PKD1L1: variants seen among roughly 807,000 people sequenced by gnomAD.
PKD1L1 encodes the protein polycystin-1-like protein 1.
A neutral mutation model predicts 323.4 loss-of-function variants in PKD1L1; 236 were observed. The observed-to-expected ratio is 0.73, with a 90% CI of 0.66 to 0.81. The LOEUF is 0.81. Among genes scored for constraint, PKD1L1 ranks in the 40% least tolerant of loss-of-function variants. PKD1L1 has a pLI of 0.00. For missense variants in PKD1L1, 3,320 were observed against 3,508.0 expected, an observed-to-expected ratio of 0.95 and a Z score of 1.35; for synonymous variants, 1,344 against 1,335.0, an observed-to-expected ratio of 1.01 and a Z score of -0.15.
At chr7:47,933,041 G>A (rs368415069) in intron 4 of PKD1L1, among the ~76,000 whole-genome samples, 3 of 152,258 alleles carry the variant, frequency 2.0e-5, no homozygotes, top group Admixed American at 6.5e-5. Context: ...GACCTGCCCC[G>A]GTGCAGAGTA....
chr7:47,899,497 C>A (rs919362079), intron 13 of PKD1L1, among the ~76,000 whole-genome samples: 3 of 152,186 alleles, frequency 2.0e-5, no homozygotes, highest in Non-Finnish European at 2.9e-5. Flanking sequence ...CTCCACACCC[C>A]CTACTTTGGG....
At chr7:47,810,483 C>T (rs1344744190) in intron 50 of PKD1L1, among the ~76,000 whole-genome samples, 1 of 152,178 alleles carries the variant, frequency 6.6e-6, no homozygotes, top group East Asian at 1.9e-4. Flanking sequence ...AAGGTAAGTA[C>T]TTTATGTGTC....
chr7:47,945,608 C>T (rs999400408), intron 1 of PKD1L1, among the ~76,000 whole-genome samples: 1 of 152,114 alleles, frequency 6.6e-6, no homozygotes, highest in African/African-American at 2.4e-5. Flanking sequence ...AAGGGGACAA[C>T]TTTGGAATCA....
intron 49 of PKD1L1, 132 bp downstream of exon 49, chr7:47,812,989 G>C: frequency 1.9e-6 from 2 of 1,063,228 alleles, no homozygotes; most frequent in Non-Finnish European, 2.7e-6. Flanking sequence ...TGGAGCCCCT[G>C]GCAGTGGTGC....
chr7:47,807,624 T>C (rs546156073), intron 52 of PKD1L1, among the ~76,000 whole-genome samples: 37 of 152,222 alleles, frequency 2.4e-4, no homozygotes, highest in Admixed American at 1.8e-3. Context: ...GAAGGCAGCG[T>C]CCCATGCTGT....
In PKD1L1 at chr7:47,813,459, C is replaced by T. The variant is rs576048287; in HGVS notation, c.7174-166G>A. On this transcript the variant is annotated intron_variant, in intron 48 of 56. Transcript: ENST00000289672. Reference sequence around the variant, plus strand: ...TGCAGCCTGTTTCGTGGTCTACAGACTCTAGCTCAAGCTACAGGATCAAGG... The same window carrying T: ...TGCAGCCTGTTTCGTGGTCTACAGATTCTAGCTCAAGCTACAGGATCAAGG... The T allele has an allele frequency of 4.1e-5, 32 of 785,870 alleles. No homozygotes were observed. In the South Asian group the frequency reaches 4.7e-4, roughly 12 times the overall value. The allele number at this position is 785,870 out of a possible 1,614,324, so 48.7% of individuals were successfully genotyped here. A position where few individuals can be genotyped will look rare whatever the true frequency, so the allele number is the denominator to read the frequency against.
At chr7:47,801,508 C>T (rs757339994) in intron 53 of PKD1L1, among the ~76,000 whole-genome samples, 1 of 152,156 alleles carries the variant, frequency 6.6e-6, no homozygotes, top group Non-Finnish European at 1.5e-5. Context: ...GACCATCAGG[C>T]GGTCGTCCCA....
chr7:47,800,803 C>A lies in PKD1L1; in HGVS notation c.8039G>T (p.Gly2680Val). 1 of 1,614,112 alleles carries A rather than the reference C, an allele frequency of 6.2e-7. No individual in the cohort carries two copies. Among genetic ancestry groups the A allele is most frequent in the Non-Finnish European group, 8.5e-7 (1 of 1,180,028 alleles). The part of the protein sequence containing the change: ...FLLSMWVLPP[G>V]TFTDAFPGLL... ...CCCGGGGAAGGCGTCTGTGAAGGTGCCAGGTGGTAGAACCCACATAGAGAG... is the reference window on the plus strand; with the variant it reads ...CCCGGGGAAGGCGTCTGTGAAGGTGACAGGTGGTAGAACCCACATAGAGAG... Residue 2680 changes from glycine to valine, a missense_variant, in exon 54 of 57, where the codon GGC becomes GTC. Physicochemically the swap from Gly to Val is moderately radical, Grantham distance 109. Coordinates refer to ENST00000289672, the MANE Select transcript of PKD1L1 (RefSeq NM_138295.5).
intron 26 of PKD1L1, among the ~76,000 whole-genome samples, chr7:47,859,350 C>T (rs972476392): frequency 7.2e-5 from 11 of 152,200 alleles, no homozygotes; most frequent in African/African-American, 2.4e-4. Flanking sequence ...TTATTGTACC[C>T]AAAGAATCGA....
At chr7:47,821,917 G>T (rs1192998546) in intron 45 of PKD1L1, among the ~76,000 whole-genome samples, 5 of 151,834 alleles carry the variant, frequency 3.3e-5, no homozygotes, top group Admixed American at 2.0e-4. Context: ...TTAAACTCTT[G>T]ATATCAGGTG....
At chr7:47,932,174 T>C (rs1787784621) in intron 4 of PKD1L1, 118 bp from the exon 5 acceptor site, 1 of 1,442,694 alleles carries the variant, frequency 6.9e-7, no homozygotes, top group Admixed American at 2.2e-5. Flanking sequence ...ATTCCCTTGC[T>C]GTGATTGCAG....
chr7:47,957,862 A>AATATATATATATATATATATATATATAT, the PKD1L1 span, among the ~76,000 whole-genome samples: 2 of 134,696 alleles, frequency 1.5e-5, no homozygotes, highest in South Asian at 2.4e-4. Flanking sequence ...ATTAAAAAAA[A>AATATATATATATATATATATATATATAT]ATATATATAT....
chr7:47,861,742 A>G (rs916865974), intron 26 of PKD1L1, among the ~76,000 whole-genome samples: 3 of 151,962 alleles, frequency 2.0e-5, no homozygotes, highest in Admixed American at 6.6e-5. Flanking sequence ...TTAGCCGGGC[A>G]TGGTGGTGTG....
chr7:47,785,734 A>C lies in PKD1L1; in HGVS notation c.8526+6893T>G, dbSNP rs1039129912. ...CTTTCTGCATGTTCAGGCCGAGTTGATATTTCTTTCTTTTTTTTTTTTTTT... is the reference window on the plus strand; with the variant it reads ...CTTTCTGCATGTTCAGGCCGAGTTGCTATTTCTTTCTTTTTTTTTTTTTTT... On this transcript the variant is annotated intron_variant, in intron 56 of 56. Coordinates refer to ENST00000289672, the MANE Select transcript of PKD1L1 (RefSeq NM_138295.5). Among the ~76,000 whole-genome samples the C allele has an allele frequency of 9.5e-5, 14 of 147,902 alleles. No homozygotes were observed. In the South Asian group the frequency reaches 3.0e-3, roughly 32 times the overall value.
At chr7:47,938,645 G>T (rs1418532729) in intron 3 of PKD1L1, among the ~76,000 whole-genome samples, 2 of 152,204 alleles carry the variant, frequency 1.3e-5, no homozygotes, top group East Asian at 1.9e-4. Flanking sequence ...CCAGAATGCA[G>T]CTTGGAAATG....
rs959106439 is a variant in PKD1L1 at position 47,858,601 on chromosome 7, A to G, written c.4362+72T>C. ...ATTCTGTTTTTGGTTTTGAGAAGCAATTACAAATACAGGTTAACATCCTGG... is the reference window on the plus strand; with the variant it reads ...ATTCTGTTTTTGGTTTTGAGAAGCAGTTACAAATACAGGTTAACATCCTGG... On this transcript the variant is annotated intron_variant, in intron 27 of 56. Coordinates refer to ENST00000289672, the MANE Select transcript of PKD1L1 (RefSeq NM_138295.5). The G allele has an allele frequency of 4.2e-6, 6 of 1,426,462 alleles. No homozygotes were observed. In the African/African-American group the frequency reaches 5.7e-5, roughly 14 times the overall value. 88.4% of individuals were successfully genotyped at this position (1,426,462 alleles called of 1,614,324 possible). A position where few individuals can be genotyped will look rare whatever the true frequency, so the allele number is the denominator to read the frequency against.
chr7:47,785,833 C>G (rs1488887451), intron 56 of PKD1L1, among the ~76,000 whole-genome samples: 1 of 151,838 alleles, frequency 6.6e-6, no homozygotes, highest in African/African-American at 2.4e-5. Context: ...CCTCTGCCTC[C>G]CGGGTTCAAG....
At chr7:47,872,435 A>G (rs6949590) in intron 24 of PKD1L1, among the ~76,000 whole-genome samples, 49,483 of 151,972 alleles carry the variant, frequency 0.33, 8,612 homozygotes, top group African/African-American at 0.44. Context: ...CTGGTATGAG[A>G]AGAGACATTC....
rs112205026 is a variant in PKD1L1 at position 47,854,965 on chromosome 7, G to A, written c.4776C>T (p.Ser1592=). The change falls in exon 30 of 57, where the codon TCC becomes TCT. Residue 1592 remains serine (S), a synonymous_variant. Coordinates refer to ENST00000289672, the MANE Select transcript of PKD1L1 (RefSeq NM_138295.5). ...TCTGTAGAGATTCCTGGGGGTTTTCGGAAAGCTCAGTGAACTGATGGAGAT... is the reference window on the plus strand; with the variant it reads ...TCTGTAGAGATTCCTGGGGGTTTTCAGAAAGCTCAGTGAACTGATGGAGAT... ...KVNLHQFTEL[S]ENPQESLQIE... 1.1e-4 allele frequency: 172 copies of A among 1,614,016 alleles called. 1 individual carries two copies. The African/African-American group carries it at 1.6e-3, about 15-fold the overall frequency.
Sources: gnomAD v4.1 joint callset for allele counts (sites outside exome capture counted in the v4.1 genomes callset) on GRCh38, gnomAD v4.1.1 for gene constraint, MANE v1.5 for transcripts, NCBI Gene and HGNC (gene_info 2026-07-23, HGNC 2026-07-21) for gene names.